Variants in JAM3 observed in about 807,000 individuals in gnomAD.
The protein encoded by JAM3 is junctional adhesion molecule 3.
In JAM3, 31 loss-of-function variants were observed where a neutral mutation model predicts 39.4. The ratio of observed to expected loss-of-function variants is 0.79; its 90% CI spans 0.59 to 1.06. JAM3 has a LOEUF of 1.06. JAM3 is among the 50% of genes least tolerant of loss of function. The pLI is 0.00. For missense variants in JAM3, 455 were observed against 391.4 expected (o/e 1.16, Z -1.37); for synonymous variants, 182 against 148.7 (o/e 1.22, Z -1.63).
At chr11:134,096,186 A>G (rs1941979608) in intron 1 of JAM3, among the ~76,000 whole-genome samples, 2 of 152,134 alleles carry the variant, frequency 1.3e-5, no homozygotes, top group Non-Finnish European at 2.9e-5. Context: ...CATGTTGCCC[A>G]GTCTCTGGTC....
At chr11:134,107,890 G>GA (rs1032820183) in intron 1 of JAM3, among the ~76,000 whole-genome samples, 20 of 150,632 alleles carry the variant, frequency 1.3e-4, no homozygotes, top group African/African-American at 3.2e-4. Flanking sequence ...AGAAAAATAG[G>GA]AAAAAAAATC....
intron 1 of JAM3, among the ~76,000 whole-genome samples, chr11:134,074,690 C>T (rs867608562): frequency 1.3e-5 from 2 of 152,166 alleles, no homozygotes; most frequent in Non-Finnish European, 2.9e-5. Flanking sequence ...CCTTTGTTCA[C>T]CTGTTCAAAG....
intron 1 of JAM3, among the ~76,000 whole-genome samples, chr11:134,069,928 CTT>C (rs1941461514): frequency 6.6e-6 from 1 of 152,210 alleles, no homozygotes; most frequent in South Asian, 2.1e-4. Flanking sequence ...CACGCAGACT[CTT>C]ATCCGGAAAT....
At chr11:134,125,396 G>T (rs975179059) in intron 1 of JAM3, among the ~76,000 whole-genome samples, 2 of 152,154 alleles carry the variant, frequency 1.3e-5, no homozygotes, top group Non-Finnish European at 2.9e-5. Flanking sequence ...AGGCTTCAAG[G>T]TCTGATTCAT....
intron 1 of JAM3, among the ~76,000 whole-genome samples, chr11:134,112,853 G>T (rs531191290): frequency 6.6e-5 from 10 of 152,272 alleles, no homozygotes; most frequent in Admixed American, 4.6e-4. Flanking sequence ...AATGGAGAGG[G>T]GTAGAGCATG....
intron 1 of JAM3, among the ~76,000 whole-genome samples, chr11:134,085,268 A>C (rs1029407751): frequency 1.3e-5 from 2 of 152,212 alleles, no homozygotes. Context: ...GATTTGCAAT[A>C]ATGAATTATG....
chr11:134,088,399 T>C (rs1056720980), intron 1 of JAM3, among the ~76,000 whole-genome samples: 1 of 152,280 alleles, frequency 6.6e-6, no homozygotes, highest in Non-Finnish European at 1.5e-5. Flanking sequence ...CAACATTTTT[T>C]TTTTTATTTT....
rs367637413 is a variant in JAM3 at position 134,100,532 on chromosome 11, A to G, written c.76+31373A>G. 2.6e-5 allele frequency among the ~76,000 whole-genome samples: 4 copies of G among 152,176 alleles called. No individual in the cohort carries two copies. In the East Asian group the frequency reaches 7.7e-4, roughly 29 times the overall value. Reference sequence around the variant, plus strand: ...CCACTTTTGAGTTACCACTGTATTTATATATCTGAGTCCTGTTTCCCAACT... The same window carrying G: ...CCACTTTTGAGTTACCACTGTATTTGTATATCTGAGTCCTGTTTCCCAACT... On this transcript the variant is annotated intron_variant, in intron 1 of 8. Coordinates refer to ENST00000299106, the MANE Select transcript of JAM3 (RefSeq NM_032801.5).
chr11:134,131,467 T>C (rs1240783642), intron 1 of JAM3, among the ~76,000 whole-genome samples: 1 of 152,028 alleles, frequency 6.6e-6, no homozygotes, highest in Non-Finnish European at 1.5e-5. Context: ...TTTCCAGAGT[T>C]AACCGTATTA....
intron 1 of JAM3, among the ~76,000 whole-genome samples, chr11:134,118,547 CCT>C (rs1477782074): frequency 2.6e-5 from 4 of 152,176 alleles, no homozygotes; most frequent in South Asian, 2.1e-4. Context: ...TCCTCTCTGT[CCT>C]CTCTTTGTCT....
intron 1 of JAM3, among the ~76,000 whole-genome samples, chr11:134,118,466 C>A (rs1294172197): frequency 6.6e-6 from 1 of 152,154 alleles, no homozygotes; most frequent in Admixed American, 6.5e-5. Flanking sequence ...CCCTGAGTTA[C>A]TGAAAACACT....
chr11:134,073,787 T>C (rs1244782046), intron 1 of JAM3, among the ~76,000 whole-genome samples: 2 of 152,232 alleles, frequency 1.3e-5, no homozygotes, highest in Non-Finnish European at 2.9e-5. Flanking sequence ...TTTTTGTATC[T>C]TTCCAGAGGT....
At chr11:134,079,169 G>A (rs1038277229) in intron 1 of JAM3, among the ~76,000 whole-genome samples, 5 of 152,014 alleles carry the variant, frequency 3.3e-5, no homozygotes, top group African/African-American at 1.2e-4. Context: ...TAAGGATGGC[G>A]CTCTGTTATT....
rs1943065225 is a variant in JAM3, at chr11:134,146,045, TGTGA to T, written c.712+3_712+6del. On this transcript the variant is annotated splice_donor_variant and splice_donor_region_variant and intron_variant, in intron 6 of 8. Coordinates refer to ENST00000299106, the MANE Select transcript of JAM3 (RefSeq NM_032801.5). LOFTEE classifies it high-confidence loss of function. ...GTGTGAGGAGCAGGAGATGGAAGTCTGTGAGTTTCTTTTTTGAAGAGGTTTCATC... is the reference window on the plus strand; with the variant it reads ...GTGTGAGGAGCAGGAGATGGAAGTCTGTTTCTTTTTTGAAGAGGTTTCATC... The T allele has an allele frequency of 6.2e-7, 1 of 1,607,914 alleles. No homozygotes were observed. Among genetic ancestry groups the T allele is most frequent in the Non-Finnish European group, 8.5e-7 (1 of 1,174,252 alleles).
At chr11:134,103,252 C>T (rs1203156012) in intron 1 of JAM3, among the ~76,000 whole-genome samples, 1 of 152,036 alleles carries the variant, frequency 6.6e-6, no homozygotes, top group African/African-American at 2.4e-5. Context: ...ATTTCATATC[C>T]AGCCAAACTA....
chr11:134,104,816 A>T (rs1942150229), intron 1 of JAM3, among the ~76,000 whole-genome samples: 1 of 152,172 alleles, frequency 6.6e-6, no homozygotes, highest in Non-Finnish European at 1.5e-5. Flanking sequence ...AAGAAGTTGA[A>T]TCCCTGAATA....
At chr11:134,146,099 A>T in intron 6 of JAM3, 54 bp downstream of exon 6, 1 of 1,197,356 alleles carries the variant, frequency 8.4e-7, no homozygotes, top group Non-Finnish European at 1.2e-6. Context: ...TGAATAGAAC[A>T]TTTTAATTTA....
chr11:134,088,916 A>T (rs1033483014), intron 1 of JAM3, among the ~76,000 whole-genome samples: 1 of 152,188 alleles, frequency 6.6e-6, no homozygotes, highest in African/African-American at 2.4e-5. Flanking sequence ...CAGCTTCCCA[A>T]GTAGCTGGGA....
At chr11:134,108,880 C>G (rs1161757313) in intron 1 of JAM3, among the ~76,000 whole-genome samples, 2 of 152,128 alleles carry the variant, frequency 1.3e-5, no homozygotes, top group Admixed American at 6.6e-5. Flanking sequence ...GTTTCCCAAT[C>G]TGATAAACAA....
Sources: gnomAD v4.1 joint callset for allele counts (sites outside exome capture counted in the v4.1 genomes callset) on GRCh38, gnomAD v4.1.1 for gene constraint, MANE v1.5 for transcripts, NCBI Gene and HGNC (gene_info 2026-07-23, HGNC 2026-07-21) for gene names.